The following CSMD1 variants were observed in gnomAD, a reference collection of about 807,000 sequenced individuals.
CSMD1 encodes CUB and sushi domain-containing protein 1.
In CSMD1, 213 loss-of-function variants were observed where a neutral mutation model predicts 417.5. That is an observed-to-expected ratio of 0.51 (90% CI 0.46 to 0.57). The LOEUF is 0.57. Ranked by LOEUF, CSMD1 falls within the 20% of genes least tolerant of loss-of-function variation. The pLI is 0.00. For missense variants in CSMD1, 6,923 were observed against 4,529.7 expected (o/e 1.53, Z -15.17); for synonymous variants, 2,862 against 1,736.8 (o/e 1.65, Z -16.11).
intron 6 of CSMD1, among the ~76,000 whole-genome samples, chr8:3,715,423 G>A (rs1055260750): frequency 8.5e-5 from 13 of 152,250 alleles, no homozygotes; most frequent in African/African-American, 1.4e-4. Flanking sequence ...ATGTGGTTCC[G>A]TCATTTTTCT....
Position 4,033,687 on chromosome 8 carries a change from A to G in CSMD1, c.416-1588T>C, listed in dbSNP as rs1386970383. Among the ~76,000 whole-genome samples, 4 of 152,118 alleles carry G rather than the reference A, an allele frequency of 2.6e-5. 1 individual carries two copies. The South Asian group carries it at 8.3e-4, about 32-fold the overall frequency. ...ATGACTCGTATTTGGCTCAGAATAA[A>G]TCTCTTCAAATATTTTACACAGTTT... is the stretch of plus-strand genomic sequence containing the variant. On this transcript the variant is annotated intron_variant, in intron 3 of 69. Transcript: ENST00000635120.
intron 7 of CSMD1, among the ~76,000 whole-genome samples, chr8:3,652,952 T>A (rs1327239306): frequency 6.6e-6 from 1 of 152,138 alleles, no homozygotes; most frequent in Non-Finnish European, 1.5e-5. Context: ...AGCCCCTTAT[T>A]TTCTCCTGAC....
chr8:3,098,412 A>G (rs182363590), intron 46 of CSMD1, among the ~76,000 whole-genome samples: 4 of 152,296 alleles, frequency 2.6e-5, no homozygotes, highest in Admixed American at 2.6e-4. Flanking sequence ...TCTTCCATTT[A>G]TCTTAGCATT....
intron 6 of CSMD1, among the ~76,000 whole-genome samples, chr8:3,715,675 C>T (rs557065861): frequency 1.1e-4 from 16 of 152,126 alleles, no homozygotes; most frequent in East Asian, 3.9e-4. Flanking sequence ...CCTGAGTAGC[C>T]GGGATTACAG....
chr8:4,672,971 C>G (rs1032974832), intron 1 of CSMD1, among the ~76,000 whole-genome samples: 4 of 151,994 alleles, frequency 2.6e-5, no homozygotes, highest in African/African-American at 7.2e-5. Context: ...ATAACACACA[C>G]GTTTCCATAG....
chr8:3,464,690 A>G (rs1445019398), intron 12 of CSMD1, among the ~76,000 whole-genome samples: 3 of 151,610 alleles, frequency 2.0e-5, no homozygotes. Context: ...TTGTTTTAAA[A>G]ATATATACTA....
chr8:4,015,520 T>C (rs1796478043), intron 4 of CSMD1, among the ~76,000 whole-genome samples: 1 of 152,186 alleles, frequency 6.6e-6, no homozygotes, highest in Admixed American at 6.5e-5. Flanking sequence ...AAAGCAACAA[T>C]GGGCCTACAC....
intron 5 of CSMD1, among the ~76,000 whole-genome samples, chr8:3,873,427 A>G (rs1008801070): frequency 3.3e-5 from 5 of 152,170 alleles, no homozygotes; most frequent in Non-Finnish European, 7.3e-5. Flanking sequence ...ACTGGAGGCC[A>G]TTATCTTTAG....
intron 52 of CSMD1, among the ~76,000 whole-genome samples, chr8:3,001,990 G>A (rs1807444068): frequency 6.6e-6 from 1 of 152,156 alleles, no homozygotes; most frequent in Non-Finnish European, 1.5e-5. Flanking sequence ...TTATCAGGAA[G>A]GTAACATTGC....
At position 3,285,008 on chromosome 8, in the gene CSMD1, A is replaced by T. The variant is rs188378228; in HGVS notation, c.3951-662T>A. On this transcript the variant is annotated intron_variant, in intron 25 of 69. Coordinates refer to ENST00000635120, the MANE Select transcript of CSMD1 (RefSeq NM_033225.6). Reference sequence around the variant, plus strand: ...AGTGACTTAAAAATCTCTATGCCTAAGGACTCACATTCAGAGGCAGCAGGA... The same window carrying T: ...AGTGACTTAAAAATCTCTATGCCTATGGACTCACATTCAGAGGCAGCAGGA... Among the ~76,000 whole-genome samples the T allele has an allele frequency of 3.7e-3, 556 of 152,306 alleles. 5 individuals carry two copies. Among genetic ancestry groups the T allele is most frequent in the African/African-American group, 0.012 (504 of 41,574 alleles).
At chr8:3,430,775 G>A (rs1461589369) in intron 12 of CSMD1, among the ~76,000 whole-genome samples, 1 of 152,112 alleles carries the variant, frequency 6.6e-6, no homozygotes, top group African/African-American at 2.4e-5. Flanking sequence ...GCCCTGAACT[G>A]CAGCCTGGGT....
rs189510136 is a variant in CSMD1 at position 3,890,431 on chromosome 8, G to A, written c.818+107472C>T. On this transcript the variant is annotated intron_variant, in intron 5 of 69. Transcript: ENST00000635120. ...CATCAGACGCCACCTGAACAAGCTC[G>A]CAGTGTCTTGGAGGAGACTGAGGAT... Among the ~76,000 whole-genome samples the A allele has an allele frequency of 6.6e-5, 10 of 152,064 alleles. No homozygotes were observed. The East Asian group carries it at 7.8e-4, about 12-fold the overall frequency.
intron 10 of CSMD1, among the ~76,000 whole-genome samples, chr8:3,519,894 T>A (rs1195342760): frequency 6.6e-6 from 1 of 152,084 alleles, no homozygotes; most frequent in African/African-American, 2.4e-5. Context: ...TTAATACATT[T>A]ATAGTGGTTT....
chr8:3,943,799 A>T (rs970665135), intron 5 of CSMD1, among the ~76,000 whole-genome samples: 1 of 152,100 alleles, frequency 6.6e-6, no homozygotes, highest in Non-Finnish European at 1.5e-5. Context: ...CTGTAAAATA[A>T]TTGGCCCTTA....
chr8:3,484,718 C>G (rs951907889), intron 11 of CSMD1, among the ~76,000 whole-genome samples: 1 of 152,170 alleles, frequency 6.6e-6, no homozygotes, highest in African/African-American at 2.4e-5. Flanking sequence ...CTTGACTACA[C>G]AAAGAATTCT....
chr8:4,650,832 G>A (rs1215750478), intron 1 of CSMD1, among the ~76,000 whole-genome samples: 2 of 152,188 alleles, frequency 1.3e-5, no homozygotes, highest in Admixed American at 6.5e-5. Context: ...CAAGGTTGTA[G>A]AGTAGAAAGC....
At position 2,951,255 on chromosome 8, in the gene CSMD1, C is replaced by G. The variant is rs202012312; in HGVS notation, c.10060G>C (p.Val3354Leu). The change falls in exon 66 of 70, where the codon GTC becomes CTC. Residue 3354 changes from valine to leucine, a missense_variant. Physicochemically the swap from Val to Leu is conservative, Grantham distance 32 (BLOSUM62 1). Coordinates refer to ENST00000635120, the MANE Select transcript of CSMD1 (RefSeq NM_033225.6). The part of the protein sequence containing the change: ...KTPVPSDVFF[V>L]NSLWKGYYEY... ...TAATACCCCTTCCACAGTGAATTGA[C>G]GAAAAAGACATCTGAAGGAACTGTG... 1 of 1,603,900 alleles carries G rather than the reference C, an allele frequency of 6.2e-7. No homozygotes were observed. The highest frequency in any genetic ancestry group is 2.2e-5 in the East Asian group (1 of 44,620).
chr8:4,098,054 T>C (rs1439571692), intron 3 of CSMD1, among the ~76,000 whole-genome samples: 1 of 152,206 alleles, frequency 6.6e-6, no homozygotes, highest in Non-Finnish European at 1.5e-5. Context: ...GCACAGAGAA[T>C]GCTCACTTAA....
At chr8:4,461,962 C>CT (rs1445175787) in intron 2 of CSMD1, among the ~76,000 whole-genome samples, 2 of 151,994 alleles carry the variant, frequency 1.3e-5, no homozygotes, top group Admixed American at 1.3e-4. Flanking sequence ...AGGATGGGCT[C>CT]TATCTCCCGA....
Sources: gnomAD v4.1 joint callset for allele counts (sites outside exome capture counted in the v4.1 genomes callset) on GRCh38, gnomAD v4.1.1 for gene constraint, MANE v1.5 for transcripts, NCBI Gene and HGNC (gene_info 2026-07-23, HGNC 2026-07-21) for gene names.